RAVER2: variants seen among roughly 807,000 people sequenced by gnomAD.
RAVER2 encodes the protein ribonucleoprotein PTB-binding 2.
In RAVER2, 46 loss-of-function variants were observed where a neutral mutation model predicts 78.1. That is an observed-to-expected ratio of 0.59 (90% CI 0.46 to 0.75). The LOEUF (loss-of-function observed/expected upper bound fraction) is 0.75, where lower values mean the gene tolerates loss of function less well. Among genes scored for constraint, RAVER2 ranks in the 30% least tolerant of loss-of-function variants. The pLI, the probability that RAVER2 is intolerant of heterozygous loss-of-function variation, is 0.00. For missense variants in RAVER2, 793 were observed against 837.5 expected, an observed-to-expected ratio of 0.95 and a Z score of 0.66; for synonymous variants, 311 against 313.3, an observed-to-expected ratio of 0.99 and a Z score of 0.08.
chr1:64,755,530 G>A (rs892990210), intron 1 of RAVER2, among the ~76,000 whole-genome samples: 8 of 151,684 alleles, frequency 5.3e-5, no homozygotes, highest in Admixed American at 4.6e-4. Flanking sequence ...TGCCCCTACC[G>A]TACCCCACCC....
chr1:64,832,491 A>AATTG (rs902877093), exon 12 of RAVER2: 49 of 152,590 alleles, frequency 3.2e-4, no homozygotes, highest in African/African-American at 8.9e-4. Context: ...GACTGTAATT[A>AATTG]ATTGATAGGG....
chr1:64,817,837 C>T (rs1473928137), intron 11 of RAVER2, among the ~76,000 whole-genome samples: 1 of 152,058 alleles, frequency 6.6e-6, no homozygotes, highest in East Asian at 1.9e-4. Context: ...ACCAACATGG[C>T]ACATGTATAC....
At chr1:64,789,500 G>T in exon 5 of RAVER2, 1 of 1,604,972 alleles carries the variant, frequency 6.2e-7, no homozygotes, top group South Asian at 1.1e-5. Context: ...TTATGTGGAC[G>T]AGCTGTTAAA....
intron 5 of RAVER2, among the ~76,000 whole-genome samples, chr1:64,798,386 G>A (rs373222822): frequency 1.1e-4 from 16 of 142,790 alleles, no homozygotes; most frequent in Admixed American, 5.0e-4. Context: ...ATAAACATAC[G>A]TGTGCATGTG....
rs376897365 is a variant in RAVER2 at position 64,767,159 on chromosome 1, CTT to C, written c.250-1494_250-1493del. 1.9e-3 allele frequency among the ~76,000 whole-genome samples: 292 copies of C among 152,180 alleles called. 1 individual carries two copies. The highest frequency in any genetic ancestry group is 6.7e-3 in the African/African-American group (278 of 41,546). ...TTCATGCTTTGCCTATTATATCACT[CTT>C]TTCTCCCTCTTGGGTTGGATTAAAA... is the stretch of plus-strand genomic sequence containing the variant. On this transcript the variant is annotated intron_variant, in intron 1 of 11. Transcript: ENST00000294428.
chr1:64,799,038 A>G (rs1653182769), intron 5 of RAVER2, among the ~76,000 whole-genome samples: 1 of 152,164 alleles, frequency 6.6e-6, no homozygotes, highest in African/African-American at 2.4e-5. Context: ...TAATCAGCCT[A>G]TCTAGCTATA....
At chr1:64,804,934 CT>C in intron 7 of RAVER2, 56 bp from the exon 8 acceptor site, 3 of 1,558,398 alleles carry the variant, frequency 1.9e-6, no homozygotes, top group Non-Finnish European at 2.6e-6. Flanking sequence ...ACGTGTGTAG[CT>C]TTTTTTAGGT....
chr1:64,761,838 G>A (rs537977340), intron 1 of RAVER2, among the ~76,000 whole-genome samples: 10 of 152,236 alleles, frequency 6.6e-5, no homozygotes, highest in South Asian at 2.1e-4. Flanking sequence ...GGCCAGGCAC[G>A]GTGGTTTACG....
At chr1:64,785,873 C>A (rs1652766864) in intron 4 of RAVER2, among the ~76,000 whole-genome samples, 1 of 151,872 alleles carries the variant, frequency 6.6e-6, no homozygotes, top group African/African-American at 2.4e-5. Flanking sequence ...ATATTGTGTA[C>A]CTCAATTTCA....
At chr1:64,764,635 C>G (rs182711823) in intron 1 of RAVER2, among the ~76,000 whole-genome samples, 1 of 152,170 alleles carries the variant, frequency 6.6e-6, no homozygotes, top group African/African-American at 2.4e-5. Flanking sequence ...GGAGAATACA[C>G]TCATAATACA....
At chr1:64,830,883 C>G in exon 12 of RAVER2, 4 of 1,612,722 alleles carry the variant, frequency 2.5e-6, no homozygotes, top group Non-Finnish European at 3.4e-6. Flanking sequence ...CATATCTCAT[C>G]TCTGCCCCAG....
intron 5 of RAVER2, among the ~76,000 whole-genome samples, chr1:64,791,178 C>G (rs557817549): frequency 6.6e-6 from 1 of 152,320 alleles, no homozygotes; most frequent in African/African-American, 2.4e-5. Context: ...CTCTACCCAT[C>G]AAATCAGGCC....
chr1:64,745,446 C>A lies in RAVER2; in HGVS notation c.249+25C>A. The A allele has an allele frequency of 6.6e-7, 1 of 1,507,900 alleles. No homozygotes were observed. The highest frequency in any genetic ancestry group is 8.9e-7 in the Non-Finnish European group (1 of 1,121,140). The allele number at this position is 1,507,900 out of a possible 1,614,324, so 93.4% of individuals were successfully genotyped here. A position where few individuals can be genotyped will look rare whatever the true frequency, so the allele number is the denominator to read the frequency against. ...GGTACTGGGACGGTGATAGGGGCGA[C>A]GCGTCCCGAGGGGCGGCGGGGCGGC... On this transcript the variant is annotated intron_variant, in intron 1 of 11. Coordinates refer to ENST00000294428, the Ensembl canonical transcript of RAVER2. This position sits in a 1 kb window ranked among gnomAD's most constrained non-coding sequence, Gnocchi z 4.3.
At chr1:64,812,769 G>C in exon 10 of RAVER2, 7 of 1,611,984 alleles carry the variant, frequency 4.3e-6, no homozygotes, top group Non-Finnish European at 5.9e-6. Flanking sequence ...TCACTCTTGG[G>C]AGAACCACCA....
intron 5 of RAVER2, among the ~76,000 whole-genome samples, chr1:64,796,627 C>G (rs1653104050): frequency 6.6e-6 from 1 of 151,952 alleles, no homozygotes; most frequent in Non-Finnish European, 1.5e-5. Flanking sequence ...TTTCACATTC[C>G]TGATATTTTT....
intron 9 of RAVER2, among the ~76,000 whole-genome samples, chr1:64,809,728 T>C (rs1418927988): frequency 3.3e-5 from 5 of 152,170 alleles, no homozygotes; most frequent in African/African-American, 1.2e-4. Context: ...CATCTCATAC[T>C]GAAACCTGTA....
intron 1 of RAVER2, among the ~76,000 whole-genome samples, chr1:64,754,480 C>G (rs1187335050): frequency 6.6e-6 from 1 of 152,008 alleles, no homozygotes; most frequent in African/African-American, 2.4e-5. Flanking sequence ...ACGTCTGACC[C>G]CCGGCACACT....
chr1:64,781,092 G>C (rs1464432052), intron 3 of RAVER2, among the ~76,000 whole-genome samples: 1 of 152,018 alleles, frequency 6.6e-6, no homozygotes, highest in African/African-American at 2.4e-5. Context: ...TAAATTACCA[G>C]TTTATATATT....
chr1:64,808,453 G>A (rs970677537), intron 9 of RAVER2, among the ~76,000 whole-genome samples: 1 of 129,328 alleles, frequency 7.7e-6, no homozygotes, highest in Non-Finnish European at 1.7e-5. Flanking sequence ...AGCTAATGCA[G>A]TCCTTTTTTT....
Sources: allele counts gnomAD v4.1 joint callset (sites outside exome capture counted in the v4.1 genomes callset), GRCh38; gene constraint gnomAD v4.1.1; non-coding constraint Gnocchi (gnomAD v3.1); transcripts MANE v1.5; gene names NCBI Gene and HGNC (gene_info 2026-07-23, HGNC 2026-07-21).